The following SLC15A2 variants were observed in gnomAD, a reference collection of about 807,000 sequenced individuals.
SLC15A2 encodes kidney H(+)/peptide cotransporter.
Under a neutral mutation model 95.5 loss-of-function variants are expected in SLC15A2, and 77 were observed. That is an observed-to-expected ratio of 0.81 (90% CI 0.67 to 0.97). The LOEUF (loss-of-function observed/expected upper bound fraction) is 0.97, where lower values mean the gene tolerates loss of function less well. Among genes scored for constraint, SLC15A2 ranks in the 50% least tolerant of loss-of-function variants. The probability of loss-of-function intolerance (pLI) is 0.00; values close to 1 mark genes in which losing one functional copy is unlikely to be tolerated. For missense variants in SLC15A2, 893 were observed against 874.4 expected, an observed-to-expected ratio of 1.02 and a Z score of -0.27; for synonymous variants, 306 against 306.9, an observed-to-expected ratio of 1.00 and a Z score of 0.03.
Position 121,903,284 on chromosome 3 carries a change from C to A in SLC15A2, c.335+5755C>A, listed in dbSNP as rs180997917. ...CAGATGGGTAGATTGCAAAAATTTT[C>A]TCCCACTCTGTAGGTTGCCTGTTCA... On this transcript the variant is annotated intron_variant, in intron 3 of 21. Transcript: ENST00000489711. Among the ~76,000 whole-genome samples, 333 of 152,246 alleles carry A rather than the reference C, an allele frequency of 2.2e-3. 3 individuals carry two copies. The highest frequency in any genetic ancestry group is 7.5e-3 in the African/African-American group (310 of 41,540).
At chr3:121,938,020 G>T (rs923846884) in intron 19 of SLC15A2, among the ~76,000 whole-genome samples, 17 of 150,890 alleles carry the variant, frequency 1.1e-4, no homozygotes, top group African/African-American at 1.7e-4. Flanking sequence ...TGGAGTACCT[G>T]GCCATGTGAG....
Position 121,911,679 on chromosome 3 carries a change from A to T in SLC15A2, c.428+13A>T. On this transcript the variant is annotated intron_variant, in intron 4 of 21. Transcript: ENST00000489711. ...AAGTGGTACACACGTGAGTAAAATC[A>T]TGGAATCAACTAAACTACTTTTCTC... 1 of 1,532,114 alleles carries T rather than the reference A, an allele frequency of 6.5e-7. No homozygotes were observed. Among genetic ancestry groups the T allele is most frequent in the Non-Finnish European group, 9.0e-7 (1 of 1,105,606 alleles). 94.9% of individuals were successfully genotyped at this position (1,532,114 alleles called of 1,614,324 possible). A position where few individuals can be genotyped will look rare whatever the true frequency, so the allele number is the denominator to read the frequency against.
chr3:121,941,041 T>G lies in SLC15A2; in HGVS notation c.*34T>G. On this transcript the variant is annotated 3_prime_UTR_variant, in exon 22 of 22. Transcript: ENST00000489711. ...TAGATTCTGTCCTGACCCCAATTCCTGGCCCTGTCTTGAAGCATTTTTTTT... is the reference window on the plus strand; with the variant it reads ...TAGATTCTGTCCTGACCCCAATTCCGGGCCCTGTCTTGAAGCATTTTTTTT... 1 of 1,588,420 alleles carries G rather than the reference T, an allele frequency of 6.3e-7. No homozygotes were observed. The highest frequency in any genetic ancestry group is 8.6e-7 in the Non-Finnish European group (1 of 1,168,964).
At chr3:121,906,092 C>A (rs889529585) in intron 3 of SLC15A2, among the ~76,000 whole-genome samples, 3 of 152,196 alleles carry the variant, frequency 2.0e-5, no homozygotes, top group African/African-American at 4.8e-5. Flanking sequence ...GATCCCTTTA[C>A]CATTATGTAA....
At position 121,894,540 on chromosome 3, in the gene SLC15A2, G is replaced by C; in HGVS notation, c.64G>C (p.Val22Leu). The stretch of plus-strand genomic sequence containing the variant: ...TTTTTCACCTGTCTCCATTGAAGAG[G>C]TACCACCTCGACCACCTAGCCCTCC... ...TLFSPVSIEE[V>L]PPRPPSPPKK... Residue 22 changes from valine to leucine, a missense_variant, in exon 1 of 22, where the codon GTA (valine) becomes CTA (leucine). Val to Leu is a conservative substitution (Grantham distance 32). Coordinates refer to ENST00000489711, the MANE Select transcript of SLC15A2 (RefSeq NM_021082.4). The C allele has an allele frequency of 6.2e-7, 1 of 1,613,916 alleles. No homozygotes were observed. Among genetic ancestry groups the C allele is most frequent in the Non-Finnish European group, 8.5e-7 (1 of 1,179,888 alleles).
At chr3:121,909,453 G>A (rs1282881412) in intron 3 of SLC15A2, among the ~76,000 whole-genome samples, 1 of 152,152 alleles carries the variant, frequency 6.6e-6, no homozygotes, top group Non-Finnish European at 1.5e-5. Context: ...TCAACCTAAA[G>A]CATTTCTGTG....
Position 121,911,713 on chromosome 3 carries a change from GT to G in SLC15A2, c.428+49del, listed in dbSNP as rs775669951. 2.1e-5 allele frequency: 26 copies of G among 1,212,318 alleles called. 1 individual carries two copies. The South Asian group carries it at 3.1e-4, about 14-fold the overall frequency. The allele number at this position is 1,212,318 out of a possible 1,614,324, so 75.1% of individuals were successfully genotyped here. A position where few individuals can be genotyped will look rare whatever the true frequency, so the allele number is the denominator to read the frequency against. On this transcript the variant is annotated intron_variant, in intron 4 of 21. Coordinates refer to ENST00000489711, the MANE Select transcript of SLC15A2 (RefSeq NM_021082.4). ...ACTAAACTACTTTTCTCAGACATTT[GT>G]TACAAATTATTTTCTGTTTTCTTAC...
intron 3 of SLC15A2, among the ~76,000 whole-genome samples, chr3:121,908,019 G>C (rs971117788): frequency 6.6e-6 from 1 of 152,242 alleles, no homozygotes; most frequent in Non-Finnish European, 1.5e-5. Flanking sequence ...GCCTTGCAGA[G>C]CTGCAGTGGG....
Position 121,924,957 on chromosome 3 carries a change from C to G in SLC15A2, c.1048C>G (p.Leu350Val), listed in dbSNP as rs2257212. 22 of 1,610,042 alleles carry G rather than the reference C, an allele frequency of 1.4e-5. No homozygotes were observed. The highest frequency in any genetic ancestry group is 1.6e-5 in the Non-Finnish European group (19 of 1,176,604). ...QPDQMQVLNP[L>V]LVLIFIPLFD... is the part of the protein sequence containing the mutation. ...CATGGTGTTACAGGTTCTAAATCCC[C>G]TTCTGGTTCTTATCTTCATCCCGTT... Residue 350 changes from leucine (L) to valine (V), a missense_variant, in exon 13 of 22, where the codon CTT becomes GTT. Transcript: ENST00000489711.
At chr3:121,931,586 A>G in intron 18 of SLC15A2, 53 bp from the exon 19 acceptor site, 2 of 1,145,814 alleles carry the variant, frequency 1.7e-6, no homozygotes, top group South Asian at 2.5e-5. Flanking sequence ...TGGAGATGGG[A>G]ATGCTTTTCC....
rs188124457 is a variant in SLC15A2 at position 121,921,206 on chromosome 3, G to T, written c.698-1014G>T. Among the ~76,000 whole-genome samples the T allele has an allele frequency of 2.0e-5, 3 of 152,332 alleles. No individual in the cohort carries two copies. In the East Asian group the frequency reaches 5.8e-4, roughly 29 times the overall value. On this transcript the variant is annotated intron_variant, in intron 7 of 21. Transcript: ENST00000489711. ...GTATAAATGATGAATAGTGTTTACA[G>T]CATAGGGTATCTCAAAAAGATAGAT...
In SLC15A2 at chr3:121,921,614, T is replaced by A. The variant is rs1051847900; in HGVS notation, c.698-606T>A. ...CAATAACCATTAGGATAACAATGAA[T>A]TTGGGAAGGTCTTTCATGCCAGGAG... On this transcript the variant is annotated intron_variant, in intron 7 of 21. Transcript: ENST00000489711. Among the ~76,000 whole-genome samples the A allele has an allele frequency of 1.2e-4, 18 of 152,214 alleles. No homozygotes were observed. In the South Asian group the frequency reaches 3.7e-3, roughly 32 times the overall value.
intron 21 of SLC15A2, 41 bp from the exon 22 acceptor site, chr3:121,940,790 A>G (rs375949393): frequency 3.8e-6 from 6 of 1,572,218 alleles, no homozygotes; most frequent in Non-Finnish European, 4.3e-6. Flanking sequence ...CTTTAGTTTC[A>G]GGTTTCTCCA....
intron 3 of SLC15A2, among the ~76,000 whole-genome samples, chr3:121,902,037 G>A (rs1312841646): frequency 6.6e-6 from 1 of 152,166 alleles, no homozygotes; most frequent in Non-Finnish European, 1.5e-5. Flanking sequence ...AAGAGGAAAT[G>A]GGCATCCAGA....
At chr3:121,922,172 A>T in intron 7 of SLC15A2, 48 bp from the exon 8 acceptor site, 1 of 1,518,136 alleles carries the variant, frequency 6.6e-7, no homozygotes, top group Non-Finnish European at 9.1e-7. Flanking sequence ...CCTTTGCACC[A>T]ACCTAATAAA....
chr3:121,907,857 G>T (rs1367912488), intron 3 of SLC15A2, among the ~76,000 whole-genome samples: 1 of 152,244 alleles, frequency 6.6e-6, no homozygotes, highest in Non-Finnish European at 1.5e-5. Context: ...GAGGCAGTCT[G>T]TCCGTTCTCA....
chr3:121,921,552 T>A (rs1293431154), intron 7 of SLC15A2, among the ~76,000 whole-genome samples: 1 of 152,164 alleles, frequency 6.6e-6, no homozygotes, highest in Non-Finnish European at 1.5e-5. Context: ...CTTAACAAGT[T>A]ACATGTGATA....
At chr3:121,894,732 C>G in intron 1 of SLC15A2, 151 bp downstream of exon 1, 1 of 534,690 alleles carries the variant, frequency 1.9e-6, no homozygotes, top group Non-Finnish European at 3.3e-6. Flanking sequence ...CAAATCTAAA[C>G]AGAAGCTTCC....
chr3:121,925,785 A>T (rs755647190), intron 13 of SLC15A2, among the ~76,000 whole-genome samples: 3 of 101,174 alleles, frequency 3.0e-5, no homozygotes, highest in Non-Finnish European at 4.0e-5. Flanking sequence ...TATATATAAA[A>T]TACAACTACT....
Sources: allele counts gnomAD v4.1 joint callset (sites outside exome capture counted in the v4.1 genomes callset), GRCh38; gene constraint gnomAD v4.1.1; transcripts MANE v1.5; gene names NCBI Gene and HGNC (gene_info 2026-07-23, HGNC 2026-07-21).